SYT1: variants seen among roughly 807,000 people sequenced by gnomAD.
SYT1 encodes the protein synaptotagmin-1.
In SYT1, 8 loss-of-function variants were observed where a neutral mutation model predicts 44.8. That is an observed-to-expected ratio of 0.18 (90% CI 0.10 to 0.32). The LOEUF is 0.32. SYT1 is among the 10% of genes least tolerant of loss of function. SYT1 has a pLI of 1.00. For synonymous variants in SYT1, 154 were observed against 188.8 expected, an observed-to-expected ratio of 0.82 and a Z score of 1.51; for missense variants, 286 against 509.3, an observed-to-expected ratio of 0.56 and a Z score of 4.22.
chr12:78,934,163 CACACACACAT>C, intron 1 of SYT1, among the ~76,000 whole-genome samples: 1 of 148,630 alleles, frequency 6.7e-6, no homozygotes, highest in South Asian at 2.2e-4. Flanking sequence ...CGTGTGTACA[CACACACACAT>C]ACACACACAC....
At chr12:79,063,078 C>T (rs1373345828) in intron 3 of SYT1, among the ~76,000 whole-genome samples, 1 of 152,176 alleles carries the variant, frequency 6.6e-6, no homozygotes, top group African/African-American at 2.4e-5. Flanking sequence ...AGCAGTTTCA[C>T]ATATGCCACC....
intron 1 of SYT1, chr12:78,960,153 A>T (rs985939858): frequency 3.3e-5 from 5 of 152,132 alleles, no homozygotes; most frequent in South Asian, 4.1e-4. Flanking sequence ...TTTTTCTGGG[A>T]GTTATGCTGG....
intron 9 of SYT1, among the ~76,000 whole-genome samples, chr12:79,425,664 C>A (rs1247886425): frequency 6.6e-6 from 1 of 152,114 alleles, no homozygotes. Context: ...CCTTCTCTTT[C>A]AATATTTTTT....
chr12:79,256,855 A>G (rs1245834), intron 4 of SYT1, among the ~76,000 whole-genome samples: 107,728 of 151,808 alleles, frequency 0.71, 38,744 homozygotes, highest in African/African-American at 0.79. Flanking sequence ...TACTTACACA[A>G]TATGAGAATA....
In SYT1 at chr12:79,090,620, C is replaced by T. The variant is rs112574366; in HGVS notation, c.-18+43258C>T. 2.1e-3 allele frequency among the ~76,000 whole-genome samples: 318 copies of T among 152,016 alleles called. 4 individuals carry two copies. The highest frequency in any genetic ancestry group is 0.017 in the Middle Eastern group (5 of 294). On this transcript the variant is annotated intron_variant, in intron 3 of 10. Transcript: ENST00000261205. ...CTTCTGAAGGTTAGATAATTTGAGC[C>T]TATAAACCAAACAGACAGATTCACA... is the stretch of plus-strand genomic sequence containing the variant.
Position 79,279,720 on chromosome 12 carries a change from T to C in SYT1, c.167-6067T>C, listed in dbSNP as rs140312549. Reference sequence around the variant, plus strand: ...GGAAAAGAGGATGTCAAACTGTCTCTGTTGGCTGTTGATATAAATGTATAC... The same window carrying C: ...GGAAAAGAGGATGTCAAACTGTCTCCGTTGGCTGTTGATATAAATGTATAC... On this transcript the variant is annotated intron_variant, in intron 4 of 10. Transcript: ENST00000261205. Among the ~76,000 whole-genome samples, 563 of 152,220 alleles carry C rather than the reference T, an allele frequency of 3.7e-3. 2 individuals carry two copies. The highest frequency in any genetic ancestry group is 0.013 in the African/African-American group (530 of 41,568).
chr12:79,368,653 G>A (rs1159159241), intron 9 of SYT1, among the ~76,000 whole-genome samples: 1 of 150,966 alleles, frequency 6.6e-6, no homozygotes, highest in East Asian at 1.9e-4. Flanking sequence ...GGCCAGTGAT[G>A]GTGAGCATTT....
chr12:79,013,882 C>T (rs1592662123), intron 2 of SYT1, among the ~76,000 whole-genome samples: 1 of 152,020 alleles, frequency 6.6e-6, no homozygotes, highest in Admixed American at 6.6e-5. Flanking sequence ...AATCCCAGCA[C>T]TTTAGGAGGC....
intron 9 of SYT1, among the ~76,000 whole-genome samples, chr12:79,357,285 T>C (rs1883150546): frequency 6.6e-6 from 1 of 152,204 alleles, no homozygotes; most frequent in Non-Finnish European, 1.5e-5. Context: ...ATCCTTGCAT[T>C]TGCATTCTTA....
intron 4 of SYT1, among the ~76,000 whole-genome samples, chr12:79,237,929 G>A (rs1020233115): frequency 2.6e-5 from 4 of 152,188 alleles, no homozygotes; most frequent in Non-Finnish European, 4.4e-5. Flanking sequence ...ATATTAAAGT[G>A]AGATACAAGT....
In SYT1 at chr12:78,876,587, G is replaced by A. The variant is rs560632395; in HGVS notation, c.-217+11478G>A. ...TATATACACACATATACACACACAC[G>A]TATACATATACACATGTAAATATAT... On this transcript the variant is annotated intron_variant, in intron 1 of 10. Transcript: ENST00000261205. 1.7e-4 allele frequency among the ~76,000 whole-genome samples: 22 copies of A among 132,954 alleles called. No homozygotes were observed. In the East Asian group the frequency reaches 2.2e-3, roughly 14 times the overall value. The allele number at this position is 132,954 out of a possible 152,430, so 87.2% of individuals were successfully genotyped here.
chr12:78,879,217 G>C (rs2137052446), intron 1 of SYT1, among the ~76,000 whole-genome samples: 1 of 151,882 alleles, frequency 6.6e-6, no homozygotes, highest in Admixed American at 6.6e-5. Context: ...CTTTATATAG[G>C]AGGTGATGCA....
intron 5 of SYT1, among the ~76,000 whole-genome samples, chr12:79,287,205 G>T (rs1239979606): frequency 1.3e-5 from 2 of 152,114 alleles, no homozygotes; most frequent in African/African-American, 4.8e-5. Flanking sequence ...CTGTTTTGGA[G>T]CTATGGAATG....
At chr12:79,030,586 T>C (rs1872770621) in intron 2 of SYT1, among the ~76,000 whole-genome samples, 1 of 151,050 alleles carries the variant, frequency 6.6e-6, no homozygotes, top group Non-Finnish European at 1.5e-5. Flanking sequence ...AACTCTCCTT[T>C]TCCCACTCCA....
intron 4 of SYT1, among the ~76,000 whole-genome samples, chr12:79,270,360 A>C (rs149762359): frequency 2.2e-3 from 342 of 152,314 alleles, no homozygotes; most frequent in Admixed American, 4.8e-3. Flanking sequence ...GTGGTGAAGC[A>C]TTCATAAGAC....
intron 9 of SYT1, among the ~76,000 whole-genome samples, chr12:79,377,059 T>C (rs1884022660): frequency 6.6e-6 from 1 of 152,220 alleles, no homozygotes; most frequent in Non-Finnish European, 1.5e-5. Flanking sequence ...GTGTGCCATG[T>C]ATTGTTAAAT....
intron 2 of SYT1, among the ~76,000 whole-genome samples, chr12:79,018,206 A>C (rs1466775568): frequency 1.3e-5 from 2 of 151,794 alleles, no homozygotes; most frequent in African/African-American, 2.4e-5. Context: ...GACATGGATG[A>C]AGCTGGAAAC....
At chr12:79,446,960 T>C (rs1300594225) in intron 10 of SYT1, among the ~76,000 whole-genome samples, 1 of 152,204 alleles carries the variant, frequency 6.6e-6, no homozygotes, top group Admixed American at 6.5e-5. Context: ...AAACTCCCAT[T>C]GAGCTACAAT....
chr12:79,175,568 C>G (rs1385979018), intron 3 of SYT1, among the ~76,000 whole-genome samples: 1 of 152,064 alleles, frequency 6.6e-6, no homozygotes, highest in Non-Finnish European at 1.5e-5. Flanking sequence ...ATCTATTTGG[C>G]ACACTCAAAC....
Sources: gnomAD v4.1 joint callset for allele counts (sites outside exome capture counted in the v4.1 genomes callset) on GRCh38, gnomAD v4.1.1 for gene constraint, MANE v1.5 for transcripts, NCBI Gene and HGNC (gene_info 2026-07-23, HGNC 2026-07-21) for gene names.